Variants in TNRC6A observed in about 807,000 individuals in gnomAD.
TNRC6A encodes the protein trinucleotide repeat containing adaptor 6A.
A neutral mutation model predicts 221.2 loss-of-function variants in TNRC6A; 44 were observed. The observed-to-expected ratio is 0.20, with a 90% CI of 0.16 to 0.26. The LOEUF is 0.26. Among genes scored for constraint, TNRC6A ranks in the 10% least tolerant of loss-of-function variants. The probability of loss-of-function intolerance (pLI) is 1.00; values close to 1 mark genes in which losing one functional copy is unlikely to be tolerated. For missense variants in TNRC6A, 2,199 were observed against 2,404.4 expected (o/e 0.91, Z 1.79); for synonymous variants, 847 against 838.5 (o/e 1.01, Z -0.18).
chr16:24,798,953 G>A lies in TNRC6A; in HGVS notation c.3694+987G>A, dbSNP rs760058923. Among the ~76,000 whole-genome samples the A allele has an allele frequency of 2.0e-5, 3 of 152,208 alleles. No homozygotes were observed. In the South Asian group the frequency reaches 6.2e-4, roughly 32 times the overall value. Reference sequence around the variant, plus strand: ...AGAACCCCCTTCCTCTCACTATGGTGCCATGCCAGTAGGAGTGCAGGAAAT... The same window carrying A: ...AGAACCCCCTTCCTCTCACTATGGTACCATGCCAGTAGGAGTGCAGGAAAT... On this transcript the variant is annotated intron_variant, in intron 11 of 24. Transcript: ENST00000395799.
At chr16:24,704,631 C>A (rs978000205) in intron 2 of TNRC6A, among the ~76,000 whole-genome samples, 1 of 127,172 alleles carries the variant, frequency 7.9e-6, no homozygotes, top group African/African-American at 3.0e-5. Context: ...CACCACAGCA[C>A]TCCAGCCTGG....
chr16:24,660,796 T>C (rs1478688083), intron 2 of TNRC6A, among the ~76,000 whole-genome samples: 4 of 142,976 alleles, frequency 2.8e-5, no homozygotes, highest in African/African-American at 5.2e-5. Context: ...GGCTGGAGTG[T>C]AGTGGAGCGA....
At chr16:24,665,587 C>T (rs1303971937) in intron 2 of TNRC6A, among the ~76,000 whole-genome samples, 1 of 152,178 alleles carries the variant, frequency 6.6e-6, no homozygotes, top group Non-Finnish European at 1.5e-5. Context: ...CAGCACTATT[C>T]ACATTTTGGG....
Position 24,825,893 on chromosome 16 carries a change from G to A in TNRC6A, c.*2086G>A, listed in dbSNP as rs1030783889. 3.9e-5 allele frequency: 6 copies of A among 152,640 alleles called. No homozygotes were observed. The highest frequency in any genetic ancestry group is 9.7e-5 in the African/African-American group (4 of 41,450). 9.5% of individuals were successfully genotyped at this position (152,640 alleles called of 1,614,324 possible). The stretch of plus-strand genomic sequence containing the variant: ...CCCTCGCTTCTCCCTGCAGGAGCTC[G>A]GGGGCGAAACCTGTGTATGGATTTC... On this transcript the variant is annotated 3_prime_UTR_variant, in exon 25 of 25. Transcript: ENST00000395799.
intron 11 of TNRC6A, among the ~76,000 whole-genome samples, chr16:24,800,745 A>G (rs565366888): frequency 3.2e-4 from 48 of 152,270 alleles, no homozygotes; most frequent in African/African-American, 1.1e-3. Context: ...CTGCAGCACA[A>G]CTGTGATGTA....
intron 1 of TNRC6A, 97 bp from the exon 2 acceptor site, chr16:24,730,156 C>G (rs1457044275): frequency 3.1e-6 from 4 of 1,292,724 alleles, no homozygotes; most frequent in Non-Finnish European, 4.2e-6. Context: ...CATCCGGCCC[C>G]GGCGCGAGCC....
rs1290782260 is a variant in TNRC6A, at chr16:24,823,089, T to C, written c.5513+76T>C. The C allele has an allele frequency of 6.3e-7, 1 of 1,594,764 alleles. No individual in the cohort carries two copies. Among genetic ancestry groups the C allele is most frequent in the Non-Finnish European group, 8.6e-7 (1 of 1,166,636 alleles). On this transcript the variant is annotated intron_variant, in intron 24 of 24. Coordinates refer to ENST00000395799, the MANE Select transcript of TNRC6A (RefSeq NM_014494.4). The surrounding 1 kb of genome is among the most constrained non-coding windows in gnomAD (Gnocchi z 4.3). ...GAGAGCACAGCCTGACCCGGGGCAG[T>C]GCACAGGGTCCTGCGTGGGTGGCTC... is the stretch of plus-strand genomic sequence containing the variant.
chr16:24,748,489 C>T (rs988465469), intron 2 of TNRC6A, among the ~76,000 whole-genome samples: 1 of 152,172 alleles, frequency 6.6e-6, no homozygotes. Context: ...TTATGTTACT[C>T]CATTAGCCAC....
At chr16:24,664,717 G>C (rs2055115567) in intron 2 of TNRC6A, 2 of 148,882 alleles carry the variant, frequency 1.3e-5, no homozygotes, top group African/African-American at 5.2e-5. Flanking sequence ...AAATAAAGTA[G>C]GGAGAGATCA....
At chr16:24,750,060 A>T (rs2057101947) in intron 2 of TNRC6A, among the ~76,000 whole-genome samples, 2 of 152,164 alleles carry the variant, frequency 1.3e-5, no homozygotes, top group Non-Finnish European at 2.9e-5. Flanking sequence ...GAATCACTTG[A>T]ACTCGGGAGG....
In TNRC6A at chr16:24,680,713, CA is replaced by C. The variant is rs560768377; in HGVS notation, n.402+39720del. Among the ~76,000 whole-genome samples, 960 of 118,188 alleles carry C rather than the reference CA, an allele frequency of 8.1e-3. 4 individuals are homozygous for C. Among genetic ancestry groups the C allele is most frequent in the East Asian group, 0.042 (164 of 3,870 alleles). 77.5% of individuals were successfully genotyped at this position (118,188 alleles called of 152,430 possible). Reference sequence around the variant, plus strand: ...CCTGGGCAACAGAGCAAGACTCCATCAAAAAAAAAAAAAAAAGGAACTATTA... The same window carrying C: ...CCTGGGCAACAGAGCAAGACTCCATCAAAAAAAAAAAAAAAGGAACTATTA... On this transcript the variant is annotated intron_variant and non_coding_transcript_variant, in intron 2 of 2. Transcript: ENST00000566108.
At chr16:24,786,902 CAAACTCCA>C (rs1047947885) in intron 5 of TNRC6A, among the ~76,000 whole-genome samples, 1 of 152,122 alleles carries the variant, frequency 6.6e-6, no homozygotes, top group Non-Finnish European at 1.5e-5. Flanking sequence ...AGGATGGTCT[CAAACTCCA>C]GACCTCGTGA....
chr16:24,789,607 G>A lies in TNRC6A; in HGVS notation c.965G>A (p.Ser322Asn). 1 of 1,614,142 alleles carries A rather than the reference G, an allele frequency of 6.2e-7. No homozygotes were observed. Among genetic ancestry groups the A allele is most frequent in the South Asian group, 1.1e-5 (1 of 91,082 alleles). ...GGTTTTTCCCATGGAGCCATAATAA[G>A]CACATGTCAGGTCTCTGTGGATGCT... is the stretch of plus-strand genomic sequence containing the variant. ...PWGFSHGAII[S>N]TCQVSVDAPE... Residue 322 changes from serine to asparagine, a missense_variant, in exon 6 of 25, where the codon AGC (serine) becomes AAC (asparagine). Ser to Asn is a conservative substitution (Grantham distance 46, BLOSUM62 1). Coordinates refer to ENST00000395799, the MANE Select transcript of TNRC6A (RefSeq NM_014494.4).
intron 2 of TNRC6A, among the ~76,000 whole-genome samples, chr16:24,692,017 A>G (rs181821793): frequency 1.3e-5 from 2 of 152,334 alleles, no homozygotes; most frequent in Admixed American, 1.3e-4. Flanking sequence ...TTTAAAAAAA[A>G]GAATGAGTGA....
chr16:24,746,416 T>G (rs2057011840), intron 2 of TNRC6A, among the ~76,000 whole-genome samples: 1 of 152,136 alleles, frequency 6.6e-6, no homozygotes, highest in Admixed American at 6.5e-5. Context: ...CGTCTCTAAA[T>G]AAATAAATAA....
rs1197992930 is a variant in TNRC6A at position 24,789,893 on chromosome 16, T to C, written c.1251T>C (p.His417=). Residue 417 remains histidine (H), a synonymous_variant, in exon 6 of 25, where the codon CAT becomes CAC. Transcript: ENST00000395799. ...INSKVSGGST[H]GTWGSLQETC... The stretch of plus-strand genomic sequence containing the variant: ...CTAAAGTGAGTGGTGGTTCTACCCA[T>C]GGTACCTGGGGAAGCCTTCAGGAAA... 6.2e-7 allele frequency: 1 copy of C among 1,613,962 alleles called. No individual in the cohort carries two copies. Among genetic ancestry groups the C allele is most frequent in the East Asian group, 2.2e-5 (1 of 44,896 alleles).
intron 17 of TNRC6A, among the ~76,000 whole-genome samples, chr16:24,807,282 G>A (rs1327677945): frequency 1.3e-5 from 2 of 152,162 alleles, no homozygotes; most frequent in Non-Finnish European, 2.9e-5. Context: ...TGGGATTACA[G>A]GCATGAGCCA....
At chr16:24,644,646 T>A (rs1442808582) in intron 2 of TNRC6A, among the ~76,000 whole-genome samples, 1 of 151,874 alleles carries the variant, frequency 6.6e-6, no homozygotes, top group African/African-American at 2.4e-5. Flanking sequence ...AGAGTCAAGG[T>A]CTCACTATGC....
At chr16:24,646,623 T>C (rs182545231) in intron 2 of TNRC6A, among the ~76,000 whole-genome samples, 3 of 152,364 alleles carry the variant, frequency 2.0e-5, no homozygotes, top group Non-Finnish European at 4.4e-5. Flanking sequence ...TCTGGCATGA[T>C]AGAAACTAAT....
Sources: gnomAD v4.1 joint callset for allele counts (sites outside exome capture counted in the v4.1 genomes callset) on GRCh38, gnomAD v4.1.1 for gene constraint, Gnocchi (gnomAD v3.1) non-coding constraint, MANE v1.5 for transcripts, NCBI Gene and HGNC (gene_info 2026-07-23, HGNC 2026-07-21) for gene names.